Variants in NRG3 observed in about 807,000 individuals in gnomAD.
NRG3 encodes neuregulin 3.
Under a neutral mutation model 66.9 loss-of-function variants are expected in NRG3, and 31 were observed. The ratio of observed to expected loss-of-function variants is 0.46; its 90% CI spans 0.35 to 0.63. The LOEUF is 0.63. Ranked by LOEUF, NRG3 falls within the 20% of genes least tolerant of loss-of-function variation. The probability of loss-of-function intolerance (pLI) is 0.00; values close to 1 mark genes in which losing one functional copy is unlikely to be tolerated. For missense variants in NRG3, 910 were observed against 878.9 expected (o/e 1.04, Z -0.45); for synonymous variants, 393 against 359.4 (o/e 1.09, Z -1.06).
intron 1 of NRG3, among the ~76,000 whole-genome samples, chr10:81,890,546 C>T (rs1250722507): frequency 6.6e-6 from 1 of 152,172 alleles, no homozygotes; most frequent in Non-Finnish European, 1.5e-5. Context: ...CTCATATCCA[C>T]GTATACAAAA....
At chr10:82,888,582 C>T (rs1413057822) in intron 4 of NRG3, among the ~76,000 whole-genome samples, 1 of 152,026 alleles carries the variant, frequency 6.6e-6, no homozygotes, top group African/African-American at 2.4e-5. Flanking sequence ...TTAACAAAAG[C>T]GTATGAGCAC....
chr10:81,922,544 G>A (rs922788627), intron 1 of NRG3, among the ~76,000 whole-genome samples: 3 of 152,154 alleles, frequency 2.0e-5, no homozygotes, highest in Non-Finnish European at 2.9e-5. Context: ...TCACTTAAGA[G>A]AATGGCCTCC....
chr10:82,404,315 G>C (rs569294147), intron 2 of NRG3, among the ~76,000 whole-genome samples: 8 of 152,232 alleles, frequency 5.3e-5, no homozygotes, highest in African/African-American at 1.9e-4. Context: ...ACCCCAAGAC[G>C]ACCTTAGTAA....
At chr10:82,406,893 A>C (rs2087560512) in intron 2 of NRG3, among the ~76,000 whole-genome samples, 1 of 152,118 alleles carries the variant, frequency 6.6e-6, no homozygotes, top group Non-Finnish European at 1.5e-5. Flanking sequence ...ATTTATTTTT[A>C]GGGACCTTTC....
chr10:82,693,074 A>G (rs1418048963), intron 2 of NRG3, among the ~76,000 whole-genome samples: 3 of 152,158 alleles, frequency 2.0e-5, no homozygotes, highest in African/African-American at 7.2e-5. Context: ...ACTCCTGTCA[A>G]TCTTGTTTTT....
At chr10:82,781,812 G>A (rs1403503995) in intron 3 of NRG3, among the ~76,000 whole-genome samples, 2 of 151,848 alleles carry the variant, frequency 1.3e-5, no homozygotes, top group Non-Finnish European at 2.9e-5. Flanking sequence ...AATATTTCCT[G>A]AAGCACATGG....
At chr10:82,340,863 C>T (rs1261313108) in intron 1 of NRG3, 1 of 151,936 alleles carries the variant, frequency 6.6e-6, no homozygotes, top group African/African-American at 2.4e-5. Context: ...ATTTGTGAAA[C>T]GTTCCCTATT....
At chr10:82,190,229 C>G (rs2074058377) in intron 1 of NRG3, among the ~76,000 whole-genome samples, 1 of 151,854 alleles carries the variant, frequency 6.6e-6, no homozygotes, top group Admixed American at 6.6e-5. Flanking sequence ...ATCACATTGC[C>G]TGTCACAAAG....
chr10:82,714,608 A>G (rs1289344274), intron 2 of NRG3, among the ~76,000 whole-genome samples: 7 of 152,258 alleles, frequency 4.6e-5, no homozygotes, highest in African/African-American at 1.4e-4. Flanking sequence ...AAAATGGATG[A>G]TACCTTAATT....
Position 82,266,340 on chromosome 10 carries a change from G to A in NRG3, c.824-92399G>A, listed in dbSNP as rs1039949538. Among the ~76,000 whole-genome samples, 14 of 152,166 alleles carry A rather than the reference G, an allele frequency of 9.2e-5. 1 individual carries two copies. The highest frequency in any genetic ancestry group is 2.0e-4 in the Admixed American group (3 of 15,266). ...AAGGTAAAGCGGAGTTGGAGAATGCGGGTGGTTAGTGATCACCTGGACATG... is the reference window on the plus strand; with the variant it reads ...AAGGTAAAGCGGAGTTGGAGAATGCAGGTGGTTAGTGATCACCTGGACATG... On this transcript the variant is annotated intron_variant, in intron 1 of 8. Coordinates refer to ENST00000372141, the MANE Select transcript of NRG3 (RefSeq NM_001010848.4).
intron 1 of NRG3, among the ~76,000 whole-genome samples, chr10:82,156,918 G>A (rs528728975): frequency 3.3e-5 from 5 of 151,490 alleles, no homozygotes; most frequent in Admixed American, 6.6e-5. Flanking sequence ...TCATACATGG[G>A]GTTCCCATGG....
In NRG3 at chr10:82,985,437, G is replaced by T; in HGVS notation, c.1923G>T (p.Leu641=). 1 of 1,614,114 alleles carries T rather than the reference G, an allele frequency of 6.2e-7. No homozygotes were observed. Among genetic ancestry groups the T allele is most frequent in the South Asian group, 1.1e-5 (1 of 91,058 alleles). The change falls in exon 9 of 9, where the codon CTG becomes CTT. Residue 641 remains leucine (L), a synonymous_variant. Transcript: ENST00000372141. ...LETVQEQIRI[L]TDARRSEDYE... is the part of the protein sequence containing the mutation. ...CTGTCCAGGAGCAGATCCGAATTCT[G>T]ACTGATGCCAGACGGTCAGAAGACT...
chr10:82,716,993 A>AT (rs1170909072), intron 2 of NRG3, among the ~76,000 whole-genome samples: 1 of 152,202 alleles, frequency 6.6e-6, no homozygotes, highest in African/African-American at 2.4e-5. Flanking sequence ...GTTTATTAAT[A>AT]TGGAATTGTA....
chr10:82,339,924 A>G (rs1005283633), intron 1 of NRG3, among the ~76,000 whole-genome samples: 2 of 152,146 alleles, frequency 1.3e-5, no homozygotes, highest in African/African-American at 4.8e-5. Context: ...GATATAAGAC[A>G]GCTTAAAGAT....
At chr10:82,727,297 C>G (rs987269385) in intron 2 of NRG3, among the ~76,000 whole-genome samples, 1 of 150,604 alleles carries the variant, frequency 6.6e-6, no homozygotes, top group Non-Finnish European at 1.5e-5. Context: ...TTCACGGCAG[C>G]CCCTCCCATC....
intron 1 of NRG3, among the ~76,000 whole-genome samples, chr10:82,215,722 T>G (rs2075630565): frequency 6.6e-6 from 1 of 152,190 alleles, no homozygotes; most frequent in Non-Finnish European, 1.5e-5. Flanking sequence ...TATATGAAAC[T>G]TTGAAACTCT....
intron 2 of NRG3, among the ~76,000 whole-genome samples, chr10:82,688,735 C>A: frequency 6.7e-6 from 1 of 149,764 alleles, no homozygotes; most frequent in African/African-American, 2.5e-5. Context: ...TTTAGAATGG[C>A]ATTCTCCTAG....
intron 2 of NRG3, among the ~76,000 whole-genome samples, chr10:82,497,701 A>G (rs902935599): frequency 6.6e-6 from 1 of 152,094 alleles, no homozygotes; most frequent in Non-Finnish European, 1.5e-5. Context: ...GTTACAGTGA[A>G]CATGTGGGTA....
intron 1 of NRG3, among the ~76,000 whole-genome samples, chr10:81,955,164 T>C (rs1027193905): frequency 6.8e-6 from 1 of 147,948 alleles, no homozygotes; most frequent in Non-Finnish European, 1.5e-5. Context: ...ATATATAATA[T>C]ATATAATACT....
Sources: gnomAD v4.1 joint callset for allele counts (sites outside exome capture counted in the v4.1 genomes callset) on GRCh38, gnomAD v4.1.1 for gene constraint, MANE v1.5 for transcripts, NCBI Gene and HGNC (gene_info 2026-07-23, HGNC 2026-07-21) for gene names.